Variants in MSH3 observed in about 807,000 individuals in gnomAD.
The protein encoded by MSH3 is mutS homolog 3.
Under a neutral mutation model 123.3 loss-of-function variants are expected in MSH3, and 106 were observed. That is an observed-to-expected ratio of 0.86 (90% CI 0.73 to 1.01). The LOEUF (loss-of-function observed/expected upper bound fraction) is 1.01. Among genes scored for constraint, MSH3 ranks in the 50% least tolerant of loss-of-function variants. The pLI is 0.00. For synonymous variants in MSH3, 515 were observed against 481.4 expected, an observed-to-expected ratio of 1.07 and a Z score of -0.91; for missense variants, 1,459 against 1,347.6, an observed-to-expected ratio of 1.08 and a Z score of -1.29.
intron 20 of MSH3, among the ~76,000 whole-genome samples, chr5:80,830,877 G>A (rs949125412): frequency 4.6e-5 from 7 of 152,076 alleles, no homozygotes; most frequent in African/African-American, 1.7e-4. Context: ...TGCTACAGTG[G>A]GTTTTGCTTG....
intron 9 of MSH3, among the ~76,000 whole-genome samples, chr5:80,726,378 T>C (rs942864601): frequency 2.0e-5 from 3 of 152,232 alleles, no homozygotes; most frequent in African/African-American, 7.2e-5. Context: ...CTAGTTAGCA[T>C]TTCCTTGCAT....
At chr5:80,868,652 G>C (rs1380892273) in intron 22 of MSH3, among the ~76,000 whole-genome samples, 1 of 145,888 alleles carries the variant, frequency 6.9e-6, no homozygotes, top group Non-Finnish European at 1.5e-5. Flanking sequence ...GGATCAGGAA[G>C]AATAACTAAT....
chr5:80,722,698 A>G (rs1406696466), intron 8 of MSH3, among the ~76,000 whole-genome samples: 3 of 152,236 alleles, frequency 2.0e-5, no homozygotes, highest in African/African-American at 7.2e-5. Context: ...ATTACAGAAC[A>G]TTACTGTTGG....
chr5:80,861,610 A>C (rs1561502507), intron 21 of MSH3, among the ~76,000 whole-genome samples: 1 of 152,126 alleles, frequency 6.6e-6, no homozygotes, highest in Non-Finnish European at 1.5e-5. Flanking sequence ...AATTTACTCC[A>C]GTGTTTATTG....
At position 80,768,531 on chromosome 5, in the gene MSH3, C is replaced by G. The variant is rs77544524; in HGVS notation, c.2085-304C>G. Among the ~76,000 whole-genome samples the G allele has an allele frequency of 1.1e-4, 16 of 152,222 alleles. 1 individual carries two copies. The East Asian group carries it at 3.1e-3, about 29-fold the overall frequency. On this transcript the variant is annotated intron_variant, in intron 14 of 23. Coordinates refer to ENST00000265081, the MANE Select transcript of MSH3 (RefSeq NM_002439.5). The stretch of plus-strand genomic sequence containing the variant: ...GTTATAACATATTGCACAAAACATT[C>G]TATGTAAATGAAATAGGATTTGACA...
intron 20 of MSH3, among the ~76,000 whole-genome samples, chr5:80,834,730 A>G (rs1207290153): frequency 6.6e-6 from 1 of 151,604 alleles, no homozygotes; most frequent in African/African-American, 2.4e-5. Context: ...TTTAACAGCT[A>G]AAAAGATATT....
chr5:80,696,066 T>G (rs1002756638), intron 8 of MSH3, among the ~76,000 whole-genome samples: 1 of 152,148 alleles, frequency 6.6e-6, no homozygotes, highest in African/African-American at 2.4e-5. Flanking sequence ...GGGTGCTTCT[T>G]GTTACTGCTG....
chr5:80,678,432 T>A (rs1749889631), intron 7 of MSH3, among the ~76,000 whole-genome samples: 1 of 152,244 alleles, frequency 6.6e-6, no homozygotes, highest in Admixed American at 6.5e-5. Context: ...TGTGTTACTT[T>A]GATGTATGAA....
intron 2 of MSH3, among the ~76,000 whole-genome samples, chr5:80,662,111 T>A (rs1197942774): frequency 6.6e-6 from 1 of 152,236 alleles, no homozygotes; most frequent in Admixed American, 6.5e-5. Context: ...TAGGTATTTT[T>A]GCTGTACCAT....
intron 17 of MSH3, among the ~76,000 whole-genome samples, chr5:80,784,117 G>A (rs1744456942): frequency 6.7e-6 from 1 of 149,196 alleles, no homozygotes; most frequent in African/African-American, 2.5e-5. Context: ...GGCTGAGGCA[G>A]GAGAATCGCT....
At chr5:80,725,298 A>C (rs1046555217) in intron 8 of MSH3, among the ~76,000 whole-genome samples, 155 bp from the exon 9 acceptor site, 4 of 151,900 alleles carry the variant, frequency 2.6e-5, no homozygotes. Context: ...TTGGCAGAGA[A>C]ACTTTAGCTC....
chr5:80,768,657 G>A (rs1285962638), intron 14 of MSH3, among the ~76,000 whole-genome samples, 178 bp from the exon 15 acceptor site: 1 of 152,056 alleles, frequency 6.6e-6, no homozygotes, highest in African/African-American at 2.4e-5. Flanking sequence ...ATGATTTTAG[G>A]GTAATTTTGA....
At chr5:80,783,688 A>G (rs1206564512) in intron 17 of MSH3, among the ~76,000 whole-genome samples, 1 of 152,148 alleles carries the variant, frequency 6.6e-6, no homozygotes, top group Non-Finnish European at 1.5e-5. Flanking sequence ...TAGAGTCTTG[A>G]GGACCTGGGC....
chr5:80,807,520 A>C (rs1428787709), intron 19 of MSH3, among the ~76,000 whole-genome samples: 1 of 152,234 alleles, frequency 6.6e-6, no homozygotes. Context: ...TTCCATAGTG[A>C]AAATTGTGAG....
intron 8 of MSH3, among the ~76,000 whole-genome samples, chr5:80,684,347 A>G (rs959658268): frequency 1.2e-4 from 18 of 152,184 alleles, no homozygotes; most frequent in African/African-American, 4.1e-4. Context: ...GTTCTCTTCA[A>G]TGTTTTACAT....
chr5:80,701,036 G>C (rs954122962), intron 8 of MSH3, among the ~76,000 whole-genome samples: 1 of 152,156 alleles, frequency 6.6e-6, no homozygotes, highest in African/African-American at 2.4e-5. Context: ...TTTAGCTAAA[G>C]CGTCTTGTCC....
chr5:80,681,219 T>C (rs1019461902), intron 8 of MSH3, among the ~76,000 whole-genome samples: 3 of 152,156 alleles, frequency 2.0e-5, no homozygotes, highest in African/African-American at 7.2e-5. Flanking sequence ...GTGTTCAAAC[T>C]TGAATAATTA....
At chr5:80,845,860 C>T (rs1366653678) in intron 20 of MSH3, among the ~76,000 whole-genome samples, 1 of 152,078 alleles carries the variant, frequency 6.6e-6, no homozygotes, top group Admixed American at 6.6e-5. Flanking sequence ...GCTCCTTTTG[C>T]TTGGAGAAGT....
intron 8 of MSH3, among the ~76,000 whole-genome samples, chr5:80,709,363 C>T (rs894015403): frequency 9.2e-5 from 14 of 152,136 alleles, no homozygotes; most frequent in Admixed American, 5.9e-4. Context: ...TGGCTTACGC[C>T]TGTAATCCCA....
Sources: allele counts gnomAD v4.1 joint callset (sites outside exome capture counted in the v4.1 genomes callset), GRCh38; gene constraint gnomAD v4.1.1; transcripts MANE v1.5; gene names NCBI Gene and HGNC (gene_info 2026-07-23, HGNC 2026-07-21).